The following CSMD1 variants were observed in gnomAD, a reference collection of about 807,000 sequenced individuals.
CSMD1 encodes the protein CUB and Sushi multiple domains 1.
In CSMD1, 213 loss-of-function variants were observed where a neutral mutation model predicts 417.5. That is an observed-to-expected ratio of 0.51 (90% CI 0.46 to 0.57). The LOEUF is 0.57. Ranked by LOEUF, CSMD1 falls within the 20% of genes least tolerant of loss-of-function variation. The pLI is 0.00. For missense variants in CSMD1, 6,923 were observed against 4,529.7 expected (o/e 1.53, Z -15.17); for synonymous variants, 2,862 against 1,736.8 (o/e 1.65, Z -16.11).
intron 6 of CSMD1, among the ~76,000 whole-genome samples, chr8:3,714,358 T>C (rs905541341): frequency 1.3e-5 from 2 of 150,866 alleles, no homozygotes; most frequent in African/African-American, 4.9e-5. Flanking sequence ...CTTTTCTTTT[T>C]ATAGTATCAC....
At chr8:4,368,987 T>C (rs1052394864) in intron 3 of CSMD1, among the ~76,000 whole-genome samples, 4 of 152,052 alleles carry the variant, frequency 2.6e-5, no homozygotes, top group African/African-American at 4.8e-5. Flanking sequence ...TTTTCTGCTA[T>C]GTTTGGGGAT....
intron 15 of CSMD1, 71 bp downstream of exon 15, chr8:3,405,956 G>A (rs1310332888): frequency 1.4e-6 from 2 of 1,439,688 alleles, no homozygotes; most frequent in South Asian, 1.3e-5. Flanking sequence ...ACAGTTTGTT[G>A]GTTTGTGTGT....
chr8:4,019,394 A>AC (rs1247366977), intron 4 of CSMD1, among the ~76,000 whole-genome samples: 1 of 152,154 alleles, frequency 6.6e-6, no homozygotes, highest in Non-Finnish European at 1.5e-5. Context: ...CAAGCATACT[A>AC]CCAAGTCTGC....
intron 1 of CSMD1, among the ~76,000 whole-genome samples, chr8:4,853,319 G>T (rs944045337): frequency 3.3e-5 from 5 of 152,182 alleles, no homozygotes; most frequent in African/African-American, 1.2e-4. Flanking sequence ...GGGCTCTGAA[G>T]CCAGGAATGC....
intron 1 of CSMD1, among the ~76,000 whole-genome samples, chr8:4,812,684 T>G (rs1323930739): frequency 6.6e-6 from 1 of 152,088 alleles, no homozygotes; most frequent in Non-Finnish European, 1.5e-5. Flanking sequence ...ATTAAGCAAA[T>G]AAAATATGAA....
At chr8:3,938,086 T>G (rs990487734) in intron 5 of CSMD1, among the ~76,000 whole-genome samples, 1 of 152,134 alleles carries the variant, frequency 6.6e-6, no homozygotes, top group Non-Finnish European at 1.5e-5. Context: ...CAGGATCGTG[T>G]AGTAGAAATT....
chr8:3,954,817 C>T (rs984978995), intron 5 of CSMD1, among the ~76,000 whole-genome samples: 1 of 152,024 alleles, frequency 6.6e-6, no homozygotes, highest in Non-Finnish European at 1.5e-5. Context: ...CCCTCGGAAG[C>T]GAGCATGCGC....
chr8:3,143,709 G>C (rs1818656252), intron 40 of CSMD1, among the ~76,000 whole-genome samples: 1 of 152,096 alleles, frequency 6.6e-6, no homozygotes, highest in Admixed American at 6.5e-5. Flanking sequence ...ATAAAAGAAA[G>C]CTTTACTCTG....
intron 37 of CSMD1, among the ~76,000 whole-genome samples, chr8:3,177,713 G>A (rs538050550): frequency 6.6e-6 from 1 of 152,092 alleles, no homozygotes; most frequent in Non-Finnish European, 1.5e-5. Context: ...GTTCAATCTT[G>A]TTGTTCCTCC....
At chr8:4,652,661 A>T (rs1000893254) in intron 1 of CSMD1, among the ~76,000 whole-genome samples, 1 of 152,046 alleles carries the variant, frequency 6.6e-6, no homozygotes, top group African/African-American at 2.4e-5. Context: ...AAAATTTAAA[A>T]AAAAAGACAG....
Position 3,674,514 on chromosome 8 carries a change from T to A in CSMD1, c.1009+33900A>T, listed in dbSNP as rs1175194170. Among the ~76,000 whole-genome samples the A allele has an allele frequency of 2.0e-5, 3 of 152,194 alleles. No homozygotes were observed. The East Asian group carries it at 5.8e-4, about 29-fold the overall frequency. On this transcript the variant is annotated intron_variant, in intron 7 of 69. Transcript: ENST00000635120. ...AAAGTATTGGACAGTATACCGTGAA[T>A]CATTAGATAATTTAACAATATTATT...
At chr8:3,579,152 C>T (rs2116962516) in intron 9 of CSMD1, among the ~76,000 whole-genome samples, 1 of 152,194 alleles carries the variant, frequency 6.6e-6, no homozygotes, top group South Asian at 2.1e-4. Context: ...TTTCTGTCTC[C>T]CCAGTAAAAC....
chr8:4,233,950 G>A (rs1023452960), intron 3 of CSMD1, among the ~76,000 whole-genome samples: 1 of 151,664 alleles, frequency 6.6e-6, no homozygotes, highest in Non-Finnish European at 1.5e-5. Context: ...ACTAATGCAT[G>A]GAGAGCTTAA....
chr8:3,871,883 G>T (rs192194075), intron 5 of CSMD1, among the ~76,000 whole-genome samples: 4 of 152,262 alleles, frequency 2.6e-5, no homozygotes, highest in Middle Eastern at 3.4e-3. Flanking sequence ...AATAACAGGT[G>T]TTGATTTTGA....
chr8:3,242,532 A>G (rs1799606120), intron 26 of CSMD1, among the ~76,000 whole-genome samples: 1 of 152,130 alleles, frequency 6.6e-6, no homozygotes, highest in Non-Finnish European at 1.5e-5. Flanking sequence ...AAAAATTGAA[A>G]GTGCCATTTT....
intron 5 of CSMD1, among the ~76,000 whole-genome samples, chr8:3,854,752 A>G (rs200348814): frequency 7.9e-6 from 1 of 125,824 alleles, no homozygotes; most frequent in Non-Finnish European, 1.6e-5. Flanking sequence ...GGGGTAAAAA[A>G]GAAAAAAAAA....
chr8:4,097,256 T>C (rs1585306971), intron 3 of CSMD1, among the ~76,000 whole-genome samples: 1 of 152,064 alleles, frequency 6.6e-6, no homozygotes, highest in Non-Finnish European at 1.5e-5. Flanking sequence ...GAACTGGAAA[T>C]CAGAAAACTA....
chr8:3,599,125 CTGTGTGTGTG>C (rs143211609), intron 8 of CSMD1, among the ~76,000 whole-genome samples: 3 of 144,504 alleles, frequency 2.1e-5, no homozygotes, highest in Admixed American at 1.4e-4. Context: ...TTGCTTACTG[CTGTGTGTGTG>C]TGTGTGTGTG....
At chr8:4,680,975 T>TGAGAGA (rs59872965) in intron 1 of CSMD1, among the ~76,000 whole-genome samples, 12 of 136,776 alleles carry the variant, frequency 8.8e-5, no homozygotes, top group African/African-American at 2.5e-4. Flanking sequence ...TGTGTGTGTG[T>TGAGAGA]GAGAGAGAGA....
Sources: allele counts gnomAD v4.1 joint callset (sites outside exome capture counted in the v4.1 genomes callset), GRCh38; gene constraint gnomAD v4.1.1; transcripts MANE v1.5; gene names NCBI Gene and HGNC (gene_info 2026-07-23, HGNC 2026-07-21).